The following L3HYPDH variants were observed in gnomAD, a reference collection of about 807,000 sequenced individuals.
L3HYPDH encodes trans-L-3-hydroxyproline dehydratase.
In L3HYPDH, 32 loss-of-function variants were observed where a neutral mutation model predicts 26.5. The ratio of observed to expected loss-of-function variants is 1.21; its 90% CI spans 0.91 to 1.62. The LOEUF (loss-of-function observed/expected upper bound fraction) is 1.62. Ranked by LOEUF, L3HYPDH falls within the 40% of genes most tolerant of loss-of-function variation. The pLI is 0.00. For missense variants in L3HYPDH, 554 were observed against 476.4 expected, an observed-to-expected ratio of 1.16 and a Z score of -1.52; for synonymous variants, 215 against 196.6, an observed-to-expected ratio of 1.09 and a Z score of -0.78.
At position 59,483,421 on chromosome 14, in the gene L3HYPDH, C is replaced by T. The variant is rs561146935; in HGVS notation, c.508+388G>A. The T allele has an allele frequency of 8.1e-5, 66 of 818,254 alleles. No homozygotes were observed. In the South Asian group the frequency reaches 2.2e-3, roughly 27 times the overall value. 50.7% of individuals were successfully genotyped at this position (818,254 alleles called of 1,614,324 possible). On this transcript the variant is annotated intron_variant, in intron 1 of 4. Coordinates refer to ENST00000247194, the MANE Select transcript of L3HYPDH (RefSeq NM_144581.2). ...TAAGTGTGATTCTGTGTCTACCAAG[C>T]ATATTCTCAGCCAGCCTGGAACCCT...
intron 2 of L3HYPDH, among the ~76,000 whole-genome samples, chr14:59,478,451 G>C (rs570189502): frequency 1.3e-5 from 2 of 151,998 alleles, no homozygotes; most frequent in Admixed American, 6.6e-5. Context: ...GGGTGTGATG[G>C]GGCATGCCTG....
chr14:59,484,151 G>A lies in L3HYPDH; in HGVS notation c.166C>T (p.Gln56Ter). The A allele has an allele frequency of 6.2e-7, 1 of 1,601,086 alleles. No homozygotes were observed. Among genetic ancestry groups the A allele is most frequent in the Non-Finnish European group, 8.5e-7 (1 of 1,179,300 alleles). ...CGTCGCCGCACGTGGTCAAGGTGCTGGCGCATGTAGCGCCGCTTGGCCAGC... is the reference window on the plus strand; with the variant it reads ...CGTCGCCGCACGTGGTCAAGGTGCTAGCGCATGTAGCGCCGCTTGGCCAGC... The part of the protein sequence containing the change: ...TLLAKRRYMR[Q>*]HLDHVRRRLM... Residue 56 changes from glutamine to a stop codon, truncating the protein, a stop_gained, in exon 1 of 5, where the codon CAG becomes TAG. Transcript: ENST00000247194. LOFTEE classifies it high-confidence loss of function.
chr14:59,502,755 T>TGTTTTTTTTTCTTTGTTTTTTTGTTTTG, the L3HYPDH span, among the ~76,000 whole-genome samples: 9 of 122,906 alleles, frequency 7.3e-5, no homozygotes, highest in South Asian at 2.7e-4. Flanking sequence ...ATGAGATTTT[T>TGTTTTTTTTTCTTTGTTTTTTTGTTTTG]TTTTTTTTTT....
chr14:59,488,183 T>A (rs1022278646), upstream of L3HYPDH, among the ~76,000 whole-genome samples: 7 of 151,944 alleles, frequency 4.6e-5, no homozygotes, highest in African/African-American at 1.7e-4. Flanking sequence ...TCTAGTATGA[T>A]GTAGTTAAAA....
chr14:59,475,969 C>T lies in L3HYPDH; in HGVS notation c.839G>A (p.Arg280Gln), dbSNP rs371673690. 9.8e-5 allele frequency: 158 copies of T among 1,613,834 alleles called. No homozygotes were observed. Among genetic ancestry groups the T allele is most frequent in the Non-Finnish European group, 1.1e-4 (132 of 1,179,892 alleles). Residue 280 changes from arginine to glutamine, a missense_variant, in exon 4 of 5, where the codon CGA (arginine) becomes CAA (glutamine). Transcript: ENST00000247194. ...RSPTGSGVTARIALQYHKGLL... is the reference protein window; with the variant it reads ...RSPTGSGVTAQIALQYHKGLL... ...CCCTTTGTGATACTGTAAGGCAATTCGGGCTGTCACTCCTGAGCCAGTGGG... is the reference window on the plus strand; with the variant it reads ...CCCTTTGTGATACTGTAAGGCAATTTGGGCTGTCACTCCTGAGCCAGTGGG...
At position 59,484,264 on chromosome 14, in the gene L3HYPDH, G is replaced by A. The variant is rs1479429927; in HGVS notation, c.53C>T (p.Pro18Leu). The stretch of plus-strand genomic sequence containing the variant: ...GTGCATGTCCACCACCGACAGCACC[G>A]GCGTCCCTGGATCATGCGGGGGCAG... ...PRLPPHDPGT[P>L]VLSVVDMHTG... is the part of the protein sequence containing the mutation. Residue 18 changes from proline to leucine, a missense_variant, in exon 1 of 5, where the codon CCG becomes CTG. Physicochemically the swap from Pro to Leu is moderately conservative, Grantham distance 98. Coordinates refer to ENST00000247194, the MANE Select transcript of L3HYPDH (RefSeq NM_144581.2). 1 of 1,597,380 alleles carries A rather than the reference G, an allele frequency of 6.3e-7. No individual in the cohort carries two copies. The highest frequency in any genetic ancestry group is 8.5e-7 in the Non-Finnish European group (1 of 1,179,418).
chr14:59,491,161 G>A, the L3HYPDH span, among the ~76,000 whole-genome samples: 1 of 152,206 alleles, frequency 6.6e-6, no homozygotes, highest in African/African-American at 2.4e-5. Context: ...GATAACCCCT[G>A]AGCTGATCTG....
the L3HYPDH span, among the ~76,000 whole-genome samples, chr14:59,499,818 C>G: frequency 2.0e-5 from 3 of 152,234 alleles, no homozygotes; most frequent in Admixed American, 6.5e-5. Flanking sequence ...TGAACTGTTT[C>G]ATTTGGCCTG....
chr14:59,467,859 C>A (rs1889232190), downstream of L3HYPDH, among the ~76,000 whole-genome samples: 1 of 152,198 alleles, frequency 6.6e-6, no homozygotes, highest in Non-Finnish European at 1.5e-5. Context: ...CTTGATGAAT[C>A]CCTCCTCCTT....
In L3HYPDH at chr14:59,484,399, G is replaced by T; in HGVS notation, c.-83C>A. On this transcript the variant is annotated 5_prime_UTR_variant, in exon 1 of 5. Transcript: ENST00000247194. ...CACCCACTGACTCCGCGGGAGGAGG[G>T]CGGGACGCTAACCAGCCACGTCCGG... 6.9e-7 allele frequency: 1 copy of T among 1,452,924 alleles called. No individual in the cohort carries two copies. Among genetic ancestry groups the T allele is most frequent in the Non-Finnish European group, 9.3e-7 (1 of 1,073,714 alleles). The allele number at this position is 1,452,924 out of a possible 1,614,324, so 90.0% of individuals were successfully genotyped here.
intron 2 of L3HYPDH, among the ~76,000 whole-genome samples, chr14:59,477,879 C>T (rs577339129): frequency 2.0e-5 from 3 of 152,284 alleles, no homozygotes; most frequent in South Asian, 2.1e-4. Context: ...TAAATTCTCA[C>T]GTACTAAACA....
intron 2 of L3HYPDH, among the ~76,000 whole-genome samples, chr14:59,478,102 A>T (rs1003788677): frequency 6.6e-6 from 1 of 152,254 alleles, no homozygotes; most frequent in East Asian, 1.9e-4. Context: ...AATGTTCTCT[A>T]TGAAATAAGA....
chr14:59,503,793 C>T, the L3HYPDH span: 1 of 973,178 alleles, frequency 1.0e-6, no homozygotes. Flanking sequence ...TATTAAATTA[C>T]CCAGCTGACT....
upstream of L3HYPDH, chr14:59,484,856 T>G: frequency 8.9e-7 from 1 of 1,120,794 alleles, no homozygotes; most frequent in Non-Finnish European, 1.2e-6. Flanking sequence ...CTTCAGTCCC[T>G]TAGTTTAATG....
chr14:59,501,430 T>A, the L3HYPDH span, among the ~76,000 whole-genome samples: 2 of 152,328 alleles, frequency 1.3e-5, no homozygotes, highest in African/African-American at 4.8e-5. Context: ...TATGAAAAGT[T>A]GTGTACTGGA....
At chr14:59,499,035 T>TTTTTTTTTTTTTTTTTTTTC in the L3HYPDH span, 1 of 476,380 alleles carries the variant, frequency 2.1e-6, no homozygotes, top group Non-Finnish European at 3.4e-6. Flanking sequence ...TTTTTTTTTT[T>TTTTTTTTTTTTTTTTTTTTC]TTTTTTTGTG....
chr14:59,502,773 T>TTTTTTTGG, the L3HYPDH span, among the ~76,000 whole-genome samples: 3 of 102,836 alleles, frequency 2.9e-5, no homozygotes, highest in Non-Finnish European at 1.8e-5. Flanking sequence ...TTTTTTTTTT[T>TTTTTTTGG]CGGAGTCTCA....
Position 59,483,810 on chromosome 14 carries a change from T to A in L3HYPDH, c.507A>T (p.Thr169=). 6.3e-7 allele frequency: 1 copy of A among 1,593,242 alleles called. No homozygotes were observed. Among genetic ancestry groups the A allele is most frequent in the East Asian group, 2.2e-5 (1 of 44,558 alleles). The change falls in exon 1 of 5, where the codon ACA becomes ACT. Residue 169 remains threonine (T), a splice_region_variant and synonymous_variant. Coordinates refer to ENST00000247194, the MANE Select transcript of L3HYPDH (RefSeq NM_144581.2). ...FHSVPAFVLA[T]DLMVDVPGHG... ...GGCTGGAAAGGTCCCGCCCATTACC[T>A]GTGGCCAGCACGAAGGCCGGGACGC...
At chr14:59,501,771 A>G in the L3HYPDH span, among the ~76,000 whole-genome samples, 1 of 152,198 alleles carries the variant, frequency 6.6e-6, no homozygotes, top group Non-Finnish European at 1.5e-5. Context: ...GCTAACATTA[A>G]TAGCCACATT....
Sources: gnomAD v4.1 joint callset for allele counts (sites outside exome capture counted in the v4.1 genomes callset) on GRCh38, gnomAD v4.1.1 for gene constraint, MANE v1.5 for transcripts, NCBI Gene and HGNC (gene_info 2026-07-23, HGNC 2026-07-21) for gene names.